The following ATP10A variants were observed in gnomAD, a reference collection of about 807,000 sequenced individuals.
ATP10A encodes ATPase phospholipid transporting 10A (putative).
A neutral mutation model predicts 147.8 loss-of-function variants in ATP10A; 111 were observed. The observed-to-expected ratio is 0.75, with a 90% CI of 0.64 to 0.88. The LOEUF is 0.88. ATP10A is among the 40% of genes least tolerant of loss of function. ATP10A has a pLI of 0.00. For synonymous variants in ATP10A, 875 were observed against 841.6 expected, an observed-to-expected ratio of 1.04 and a Z score of -0.69; for missense variants, 1,927 against 1,959.0, an observed-to-expected ratio of 0.98 and a Z score of 0.31.
At chr15:25,817,865 A>G (rs536504924) in intron 1 of ATP10A, among the ~76,000 whole-genome samples, 58 of 152,362 alleles carry the variant, frequency 3.8e-4, no homozygotes, top group African/African-American at 1.4e-3. Context: ...ATTACATGTA[A>G]TAATATGATG....
At chr15:25,782,431 T>G (rs952815310) in intron 1 of ATP10A, among the ~76,000 whole-genome samples, 2 of 152,272 alleles carry the variant, frequency 1.3e-5, no homozygotes, top group Non-Finnish European at 2.9e-5. Context: ...CATTTTATAA[T>G]TTAAAAAATG....
intron 2 of ATP10A, among the ~76,000 whole-genome samples, chr15:25,746,576 C>T (rs978253606): frequency 6.6e-6 from 1 of 152,158 alleles, no homozygotes; most frequent in Admixed American, 6.5e-5. Flanking sequence ...AAGTACTGAC[C>T]ATATTCTGTG....
chr15:25,816,790 C>T (rs1891672637), intron 1 of ATP10A, among the ~76,000 whole-genome samples: 1 of 152,054 alleles, frequency 6.6e-6, no homozygotes, highest in South Asian at 2.1e-4. Flanking sequence ...GTGAAAAGAT[C>T]TAAGATCTCC....
At chr15:25,779,108 C>T (rs975783634) in intron 2 of ATP10A, among the ~76,000 whole-genome samples, 1 of 152,016 alleles carries the variant, frequency 6.6e-6, no homozygotes, top group Non-Finnish European at 1.5e-5. Context: ...AATTACTGAC[C>T]TCAAGTGATC....
At chr15:25,845,035 T>C (rs1293249827) in intron 1 of ATP10A, among the ~76,000 whole-genome samples, 1 of 152,098 alleles carries the variant, frequency 6.6e-6, no homozygotes, top group Non-Finnish European at 1.5e-5. Context: ...CCGGAGAAAG[T>C]GGTTCTCCAC....
At chr15:25,700,938 A>G (rs912970355) in intron 13 of ATP10A, among the ~76,000 whole-genome samples, 2 of 152,054 alleles carry the variant, frequency 1.3e-5, no homozygotes, top group African/African-American at 4.8e-5. Context: ...TTAAAAAAAA[A>G]AAAGGCCCTG....
In ATP10A at chr15:25,727,147, T is replaced by C; in HGVS notation, c.847+13A>G. On this transcript the variant is annotated intron_variant, in intron 4 of 20. Coordinates refer to ENST00000555815, the MANE Select transcript of ATP10A (RefSeq NM_024490.4). ...CTGTCTGGCGGCAGGTGGTGCCAGG[T>C]GCCCGAGCCTACCTGCGTAGATGAC... 1.9e-6 allele frequency: 3 copies of C among 1,604,942 alleles called. No individual in the cohort carries two copies. The highest frequency in any genetic ancestry group is 2.6e-6 in the Non-Finnish European group (3 of 1,171,776).
chr15:25,680,735 C>G, intron 19 of ATP10A, 75 bp downstream of exon 19: 2 of 1,399,158 alleles, frequency 1.4e-6, no homozygotes, highest in Non-Finnish European at 2.0e-6. Flanking sequence ...TCCCAGACCT[C>G]ATGAATCTGC....
At chr15:25,684,021 G>C (rs1212843962) in intron 16 of ATP10A, 1 of 154,574 alleles carries the variant, frequency 6.5e-6, no homozygotes, top group Non-Finnish European at 1.4e-5. Context: ...ACACACAAAA[G>C]CACAATAGCA....
chr15:25,716,742 C>T lies in ATP10A; in HGVS notation c.1764G>A (p.Gln588=), dbSNP rs1901837466. 2 of 1,586,698 alleles carry T rather than the reference C, an allele frequency of 1.3e-6. No individual in the cohort carries two copies. Among genetic ancestry groups the T allele is most frequent in the Admixed American group, 3.5e-5 (2 of 57,190 alleles). ...CNTVVVTSPD[Q]PRTKVRVRFE... The stretch of plus-strand genomic sequence containing the variant: ...CTCCAGAACTTGCCTTTGTTCGTGG[C>T]TGATCCGGGGACGTGACGACGACTG... Residue 588 remains glutamine, a synonymous_variant, in exon 9 of 21, where the codon CAG becomes CAA. Transcript: ENST00000555815.
At chr15:25,849,861 T>C (rs143409894) in intron 1 of ATP10A, among the ~76,000 whole-genome samples, 1 of 150,928 alleles carries the variant, frequency 6.6e-6, no homozygotes, top group East Asian at 1.9e-4. Flanking sequence ...AAAAAATAAA[T>C]GTGTACATGG....
In ATP10A at chr15:25,716,082, CT is replaced by C. The variant is rs1901782983; in HGVS notation, c.1776+647del. ...TGAGCATTGCTATATTTCCAGTGTCCTAAGTAGCCTCTGATCGATTCTCGAC... is the reference window on the plus strand; with the variant it reads ...TGAGCATTGCTATATTTCCAGTGTCCAAGTAGCCTCTGATCGATTCTCGAC... On this transcript the variant is annotated intron_variant, in intron 9 of 20. Coordinates refer to ENST00000555815, the MANE Select transcript of ATP10A (RefSeq NM_024490.4). Among the ~76,000 whole-genome samples, 2 of 152,220 alleles carry C rather than the reference CT, an allele frequency of 1.3e-5. 1 individual carries two copies. Among genetic ancestry groups the C allele is most frequent in the South Asian group, 4.1e-4 (2 of 4,828 alleles).
At chr15:25,683,242 G>A in intron 17 of ATP10A, 44 bp downstream of exon 17, 1 of 1,577,706 alleles carries the variant, frequency 6.3e-7, no homozygotes, top group Non-Finnish European at 8.7e-7. Flanking sequence ...AACGTGGAGG[G>A]CAGAGCTCAG....
chr15:25,834,075 C>T (rs1404736548), intron 1 of ATP10A, among the ~76,000 whole-genome samples: 1 of 151,864 alleles, frequency 6.6e-6, no homozygotes, highest in East Asian at 1.9e-4. Context: ...TAACTACTAA[C>T]TATGTGTGTT....
At chr15:25,721,437 G>A (rs2140422006) in intron 7 of ATP10A, among the ~76,000 whole-genome samples, 1 of 152,284 alleles carries the variant, frequency 6.6e-6, no homozygotes, top group South Asian at 2.1e-4. Context: ...AACAGGGCGG[G>A]CGGCCGTGCC....
chr15:25,721,716 T>C lies in ATP10A; in HGVS notation c.1304A>G (p.Asn435Ser). The change falls in exon 7 of 21, where the codon AAT becomes AGT. Residue 435 changes from asparagine (N) to serine (S), a missense_variant. Transcript: ENST00000555815. ...FSDKTGTLTE[N>S]KMVFRRCTVS... ...AGTGCATCTTCGGAAAACCATCTTA[T>C]TCTCTGTCAAAGTGCCAGTTTTATC... The C allele has an allele frequency of 6.2e-7, 1 of 1,614,182 alleles. No individual in the cohort carries two copies.
chr15:25,842,681 A>G (rs1372681539), intron 1 of ATP10A, among the ~76,000 whole-genome samples: 2 of 151,930 alleles, frequency 1.3e-5, no homozygotes, highest in Admixed American at 1.3e-4. Context: ...ATTATCTCTG[A>G]TTGTATAGAT....
At chr15:25,846,835 T>C (rs144523525) in intron 1 of ATP10A, among the ~76,000 whole-genome samples, 103 of 152,342 alleles carry the variant, frequency 6.8e-4, no homozygotes, top group Non-Finnish European at 1.1e-3. Flanking sequence ...TTGTGGTTTA[T>C]TTTATTTTCA....
At chr15:25,773,476 G>A (rs1889441091) in intron 2 of ATP10A, among the ~76,000 whole-genome samples, 1 of 152,068 alleles carries the variant, frequency 6.6e-6, no homozygotes, top group African/African-American at 2.4e-5. Context: ...AGGGACAAAG[G>A]TTCCAGAGTC....
Sources: allele counts gnomAD v4.1 joint callset (sites outside exome capture counted in the v4.1 genomes callset), GRCh38; gene constraint gnomAD v4.1.1; transcripts MANE v1.5; gene names NCBI Gene and HGNC (gene_info 2026-07-23, HGNC 2026-07-21).